RAP1GAP2: variants seen among roughly 807,000 people sequenced by gnomAD.
The protein encoded by RAP1GAP2 is RAP1 GTPase activating protein 2.
RAP1GAP2 carries 27 observed loss-of-function variants against 95.0 expected under a neutral mutation model. The observed-to-expected ratio is 0.28, with a 90% CI of 0.21 to 0.39. RAP1GAP2 has a LOEUF of 0.39. Ranked by LOEUF, RAP1GAP2 falls within the 10% of genes least tolerant of loss-of-function variation. The pLI, the probability that RAP1GAP2 is intolerant of heterozygous loss-of-function variation, is 1.00. For synonymous variants in RAP1GAP2, 373 were observed against 380.9 expected, an observed-to-expected ratio of 0.98 and a Z score of 0.24; for missense variants, 771 against 970.0, an observed-to-expected ratio of 0.79 and a Z score of 2.72.
chr17:2,973,491 G>C (rs1374924981), intron 8 of RAP1GAP2, among the ~76,000 whole-genome samples: 1 of 152,160 alleles, frequency 6.6e-6, no homozygotes, highest in African/African-American at 2.4e-5. Flanking sequence ...ACTCCAGCCT[G>C]GGTCACAAGA....
chr17:2,878,614 T>C (rs1443508275), intron 2 of RAP1GAP2, among the ~76,000 whole-genome samples: 5 of 152,166 alleles, frequency 3.3e-5, no homozygotes, highest in Admixed American at 1.3e-4. Flanking sequence ...TCTCGCTGGT[T>C]CCTGCTGGTT....
chr17:2,781,073 A>C (rs2068633676), intron 1 of RAP1GAP2, among the ~76,000 whole-genome samples: 1 of 152,234 alleles, frequency 6.6e-6, no homozygotes, highest in Admixed American at 6.5e-5. Flanking sequence ...GTGTGATGCC[A>C]ACGATACAAG....
At chr17:2,976,868 C>T (rs2045141320) in intron 8 of RAP1GAP2, among the ~76,000 whole-genome samples, 1 of 152,062 alleles carries the variant, frequency 6.6e-6, no homozygotes, top group South Asian at 2.1e-4. Flanking sequence ...GGTGTGGTGG[C>T]TCACGCCTGT....
At chr17:2,874,125 C>T (rs2072980950) in intron 2 of RAP1GAP2, among the ~76,000 whole-genome samples, 1 of 152,310 alleles carries the variant, frequency 6.6e-6, no homozygotes, top group African/African-American at 2.4e-5. Flanking sequence ...TACCTGATTT[C>T]TCAAAGAATC....
chr17:2,980,688 G>A (rs1209812033), intron 9 of RAP1GAP2, among the ~76,000 whole-genome samples: 1 of 152,212 alleles, frequency 6.6e-6, no homozygotes, highest in Non-Finnish European at 1.5e-5. Flanking sequence ...GGTGAGTGCT[G>A]TAGGACTTCC....
At chr17:2,779,043 C>T (rs180948395) in intron 1 of RAP1GAP2, among the ~76,000 whole-genome samples, 11 of 152,272 alleles carry the variant, frequency 7.2e-5, no homozygotes, top group Non-Finnish European at 1.3e-4. Flanking sequence ...GTACTCCACA[C>T]GGCAGCTTCC....
intron 2 of RAP1GAP2, among the ~76,000 whole-genome samples, chr17:2,849,609 C>A (rs1597433850): frequency 1.3e-5 from 2 of 152,232 alleles, no homozygotes; most frequent in East Asian, 3.8e-4. Flanking sequence ...GATTCCCACC[C>A]AGGCCCCCTC....
chr17:3,007,752 A>G (rs28390264), intron 16 of RAP1GAP2, among the ~76,000 whole-genome samples: 5,474 of 152,012 alleles, frequency 0.036, 343 homozygotes, highest in African/African-American at 0.13. Flanking sequence ...CTCCTCTACC[A>G]CCAGGGTGGA....
Position 2,796,800 on chromosome 17 carries a change from G to T in RAP1GAP2, c.44+229G>T, listed in dbSNP as rs924493319. ...CTGCTGGCGAATCCTGGAGGTCTGC[G>T]CCGGCTGCCCGTGGGGAGGTGGATA... On this transcript the variant is annotated intron_variant, in intron 1 of 24. Coordinates refer to ENST00000254695, the MANE Select transcript of RAP1GAP2 (RefSeq NM_015085.5). This position sits in a 1 kb window ranked among gnomAD's most constrained non-coding sequence, Gnocchi z 4.7. Among the ~76,000 whole-genome samples the T allele has an allele frequency of 2.0e-5, 3 of 152,146 alleles. No homozygotes were observed. Among genetic ancestry groups the T allele is most frequent in the Admixed American group, 6.5e-5 (1 of 15,274 alleles).
chr17:2,875,390 G>C (rs1401055983), intron 2 of RAP1GAP2, among the ~76,000 whole-genome samples: 5 of 152,152 alleles, frequency 3.3e-5, no homozygotes. Flanking sequence ...TAAAGGCAAA[G>C]GGGACAGGGA....
Position 3,037,721 on chromosome 17 carries a change from AAAT to A in RAP1GAP2, c.*4363_*4365del, listed in dbSNP as rs2047512021. On this transcript the variant is annotated 3_prime_UTR_variant, in exon 25 of 25. Transcript: ENST00000254695. ...ATGTGTCTTTGCAGAAATTGACAAT[AAAT>A]AACATATTTTGTGTCCATCAGTGTT... 1 of 152,462 alleles carries A rather than the reference AAAT, an allele frequency of 6.6e-6. No homozygotes were observed. The highest frequency in any genetic ancestry group is 1.5e-5 in the Non-Finnish European group (1 of 68,032). 9.4% of individuals were successfully genotyped at this position (152,462 alleles called of 1,614,324 possible).
In RAP1GAP2 at chr17:2,904,530, C is replaced by CTGTGTGTGTGTGTGTG. The variant is rs5818880; in HGVS notation, c.81-730_81-715dup. Among the ~76,000 whole-genome samples the CTGTGTGTGTGTGTGTG allele has an allele frequency of 0.061, 7,887 of 128,990 alleles. 546 individuals carry two copies. The highest frequency in any genetic ancestry group is 0.082 in the Non-Finnish European group (4,935 of 60,466). 84.6% of individuals were successfully genotyped at this position (128,990 alleles called of 152,430 possible). On this transcript the variant is annotated intron_variant, in intron 2 of 24. Transcript: ENST00000254695. The surrounding 1 kb of genome is among the most constrained non-coding windows in gnomAD (Gnocchi z 4.7). ...CCGAGGACAGCTTTTTGACCAGGGCCTGTGTGTGTGTGTGTGTGTGTGTGT... is the reference window on the plus strand; with the variant it reads ...CCGAGGACAGCTTTTTGACCAGGGCCTGTGTGTGTGTGTGTGTGTGTGTGTGTGTGTGTGTGTGTGT...
chr17:2,789,278 G>A (rs954927715), intron 1 of RAP1GAP2, among the ~76,000 whole-genome samples: 1 of 151,994 alleles, frequency 6.6e-6, no homozygotes, highest in Non-Finnish European at 1.5e-5. Flanking sequence ...GAACTCCTGA[G>A]CTCAGGTGAT....
chr17:2,855,413 A>C lies in RAP1GAP2; in HGVS notation c.81-49871A>C, dbSNP rs373938237. ...AATCTTCCTTTTGTAATTAAGAGAG[A>C]GCAGACCTCCGGCTCCCGGTCCTCT... On this transcript the variant is annotated intron_variant, in intron 2 of 24. Transcript: ENST00000254695. This position sits in a 1 kb window ranked among gnomAD's most constrained non-coding sequence, Gnocchi z 4.3. 6.6e-6 allele frequency among the ~76,000 whole-genome samples: 1 copy of C among 152,196 alleles called. No individual in the cohort carries two copies. The highest frequency in any genetic ancestry group is 2.4e-5 in the African/African-American group (1 of 41,438).
At chr17:2,756,825 T>G (rs2071156657) in intron 1 of RAP1GAP2, among the ~76,000 whole-genome samples, 1 of 152,034 alleles carries the variant, frequency 6.6e-6, no homozygotes, top group Non-Finnish European at 1.5e-5. Flanking sequence ...TTACTAAAGA[T>G]GAGGAAGCCG....
At chr17:3,010,157 T>A (rs1229746392) in intron 17 of RAP1GAP2, among the ~76,000 whole-genome samples, 1 of 151,782 alleles carries the variant, frequency 6.6e-6, no homozygotes, top group African/African-American at 2.4e-5. Context: ...CTGGCCAACA[T>A]GGTGAAACCT....
chr17:2,995,609 G>A lies in RAP1GAP2; in HGVS notation c.1044+143G>A. 9 of 1,222,226 alleles carry A rather than the reference G, an allele frequency of 7.4e-6. No individual in the cohort carries two copies. The South Asian group carries it at 1.3e-4, about 18-fold the overall frequency. 75.7% of individuals were successfully genotyped at this position (1,222,226 alleles called of 1,614,324 possible). ...CGTTCAGCTGCGCAGCAGCGTCACAGTCCGTTCTGCTGTGTTTCTGGCCGA... is the reference window on the plus strand; with the variant it reads ...CGTTCAGCTGCGCAGCAGCGTCACAATCCGTTCTGCTGTGTTTCTGGCCGA... On this transcript the variant is annotated intron_variant, in intron 13 of 24. Coordinates refer to ENST00000254695, the MANE Select transcript of RAP1GAP2 (RefSeq NM_015085.5).
intron 2 of RAP1GAP2, chr17:2,770,577 G>A (rs899151342): frequency 7.6e-6 from 3 of 396,676 alleles, no homozygotes; most frequent in Non-Finnish European, 1.3e-5. Context: ...GTGATGGGGA[G>A]GCCTTCTAGG....
chr17:2,784,566 C>T (rs558152304), intron 1 of RAP1GAP2, among the ~76,000 whole-genome samples: 11 of 152,218 alleles, frequency 7.2e-5, no homozygotes, highest in South Asian at 2.1e-4. Flanking sequence ...CCACCGCGCC[C>T]GGCCAGCAGT....
Sources: gnomAD v4.1 joint callset for allele counts (sites outside exome capture counted in the v4.1 genomes callset) on GRCh38, gnomAD v4.1.1 for gene constraint, Gnocchi (gnomAD v3.1) non-coding constraint, MANE v1.5 for transcripts, NCBI Gene and HGNC (gene_info 2026-07-23, HGNC 2026-07-21) for gene names.